Variants in C4orf46 observed in about 807,000 individuals in gnomAD.
The protein encoded by C4orf46 is chromosome 4 open reading frame 46.
Under a neutral mutation model 9.1 loss-of-function variants are expected in C4orf46, and 8 were observed. That is an observed-to-expected ratio of 0.88 (90% CI 0.52 to 1.59). The LOEUF (loss-of-function observed/expected upper bound fraction) is 1.59. Among genes scored for constraint, C4orf46 ranks in the 40% most tolerant of loss-of-function variants. The probability of loss-of-function intolerance (pLI) is 0.00; values close to 1 mark genes in which losing one functional copy is unlikely to be tolerated. For synonymous variants in C4orf46, 51 were observed against 58.8 expected, an observed-to-expected ratio of 0.87 and a Z score of 0.61; for missense variants, 151 against 139.1, an observed-to-expected ratio of 1.09 and a Z score of -0.43.
Position 158,669,394 on chromosome 4 carries a change from G to C in C4orf46, c.*219C>G, listed in dbSNP as rs1324426320. The C allele has an allele frequency of 1.7e-5, 7 of 416,108 alleles. No individual in the cohort carries two copies. Among genetic ancestry groups the C allele is most frequent in the Non-Finnish European group, 3.0e-5 (7 of 230,974 alleles). The allele number at this position is 416,108 out of a possible 1,614,324, so 25.8% of individuals were successfully genotyped here. On this transcript the variant is annotated 3_prime_UTR_variant, in exon 2 of 2. Coordinates refer to ENST00000379205, the MANE Select transcript of C4orf46 (RefSeq NM_001008393.4). ...TCATAAAGGATTCTATGAAAGTTCA[G>C]AGGCATAAAGTATTTAAGGACAAAC...
upstream of C4orf46, chr4:158,671,889 C>T (rs528241209): frequency 2.1e-5 from 24 of 1,123,208 alleles, no homozygotes; most frequent in Non-Finnish European, 7.4e-6. Context: ...AGCCGAAAGG[C>T]CCCGCCTCCT....
chr4:158,669,816 C>T (rs1384296483), intron 1 of C4orf46, 48 bp from the exon 2 acceptor site: 1 of 1,481,902 alleles, frequency 6.7e-7, no homozygotes. Flanking sequence ...ATTCTCATCT[C>T]ATTTTATAAG....
Position 158,671,605 on chromosome 4 carries a change from A to G in C4orf46, c.186+11T>C. 1 of 1,517,562 alleles carries G rather than the reference A, an allele frequency of 6.6e-7. No homozygotes were observed. The allele number at this position is 1,517,562 out of a possible 1,614,324, so 94.0% of individuals were successfully genotyped here. ...CGCCGAGGGGGGACGCGGTCCCGAC[A>G]CCACACTCACGTCTCCGATCTGCAG... On this transcript the variant is annotated intron_variant, in intron 1 of 1. Transcript: ENST00000379205.
At position 158,667,139 on chromosome 4, in the gene C4orf46, C is replaced by T. The variant is rs1773400385; in HGVS notation, c.*2474G>A. 6.6e-6 allele frequency: 1 copy of T among 152,092 alleles called. No individual in the cohort carries two copies. Among genetic ancestry groups the T allele is most frequent in the African/African-American group, 2.4e-5 (1 of 41,408 alleles). The allele number at this position is 152,092 out of a possible 1,614,324, so 9.4% of individuals were successfully genotyped here. A position where few individuals can be genotyped will look rare whatever the true frequency, so the allele number is the denominator to read the frequency against. Reference sequence around the variant, plus strand: ...TCAAATTTCCTTCAGATAAAAAGAACAGAAAGGTCAGAATCTGGCCCTTAC... The same window carrying T: ...TCAAATTTCCTTCAGATAAAAAGAATAGAAAGGTCAGAATCTGGCCCTTAC... On this transcript the variant is annotated 3_prime_UTR_variant, in exon 2 of 2. Transcript: ENST00000379205.
chr4:158,667,928 T>TA lies in C4orf46; in HGVS notation c.*1684dup, dbSNP rs1773424465. 1 of 152,150 alleles carries TA rather than the reference T, an allele frequency of 6.6e-6. No homozygotes were observed. The highest frequency in any genetic ancestry group is 1.5e-5 in the Non-Finnish European group (1 of 68,034). 9.4% of individuals were successfully genotyped at this position (152,150 alleles called of 1,614,324 possible). Reference sequence around the variant, plus strand: ...AAAAAATATATTTGTATTAAAAATATAAAAACACATGCTATATTATGCCCC... The same window carrying TA: ...AAAAAATATATTTGTATTAAAAATATAAAAAACACATGCTATATTATGCCCC... On this transcript the variant is annotated 3_prime_UTR_variant, in exon 2 of 2. Transcript: ENST00000379205.
rs751358367 is a variant in C4orf46, at chr4:158,669,783, T to G, written c.187-15A>C. On this transcript the variant is annotated splice_polypyrimidine_tract_variant and intron_variant, in intron 1 of 1. Transcript: ENST00000379205. ...GAAAAGGCTGCCTAAAAAAAAAAAGTCAAACATAATTTTATTTTTAAAATT... is the reference window on the plus strand; with the variant it reads ...GAAAAGGCTGCCTAAAAAAAAAAAGGCAAACATAATTTTATTTTTAAAATT... 1.9e-6 allele frequency: 3 copies of G among 1,540,660 alleles called. No individual in the cohort carries two copies. Among genetic ancestry groups the G allele is most frequent in the Non-Finnish European group, 2.6e-6 (3 of 1,133,214 alleles).
chr4:158,671,709 CG>C lies in C4orf46; in HGVS notation c.92del (p.Pro31ArgfsTer5). 6.2e-7 allele frequency: 1 copy of C among 1,608,634 alleles called. No individual in the cohort carries two copies. Among genetic ancestry groups the C allele is most frequent in the East Asian group, 2.2e-5 (1 of 44,604 alleles). Reference protein sequence around the residue: ...SSSDASAASSPGGPVSLGWPV... With the variant: ...SSSDASAASSXGGPVSLGWPV... ...GCCAGCCCAAACTCACTGGGCCGCC[CG>C]GGGAAGATGCTGCAGAGGCGTCTGA... On this transcript the variant is annotated frameshift_variant, in exon 1 of 2. Transcript: ENST00000379205. LOFTEE classifies it high-confidence loss of function.
In C4orf46 at chr4:158,669,514, G is replaced by A. The variant is rs1773460905; in HGVS notation, c.*99C>T. 8.1e-7 allele frequency: 1 copy of A among 1,232,810 alleles called. No homozygotes were observed. The highest frequency in any genetic ancestry group is 1.5e-5 in the South Asian group (1 of 65,514). The allele number at this position is 1,232,810 out of a possible 1,614,324, so 76.4% of individuals were successfully genotyped here. On this transcript the variant is annotated 3_prime_UTR_variant, in exon 2 of 2. Coordinates refer to ENST00000379205, the MANE Select transcript of C4orf46 (RefSeq NM_001008393.4). ...TTTCATTCTGAGTATATACAGAACTGCTGGACAGAGGTCATCCTATATGTG... is the reference window on the plus strand; with the variant it reads ...TTTCATTCTGAGTATATACAGAACTACTGGACAGAGGTCATCCTATATGTG...
chr4:158,671,729 C>A lies in C4orf46; in HGVS notation c.73G>T (p.Ala25Ser). 1.3e-6 allele frequency: 2 copies of A among 1,596,456 alleles called. No homozygotes were observed. Residue 25 changes from alanine to serine, a missense_variant, in exon 1 of 2, where the codon GCC becomes TCC. Ala to Ser is a moderately conservative substitution (Grantham distance 99). Coordinates refer to ENST00000379205, the MANE Select transcript of C4orf46 (RefSeq NM_001008393.4). Reference sequence around the variant, plus strand: ...CCGCCCGGGGAAGATGCTGCAGAGGCGTCTGAAGAGGAGGGAGAAGAGGGA... The same window carrying A: ...CCGCCCGGGGAAGATGCTGCAGAGGAGTCTGAAGAGGAGGGAGAAGAGGGA... Reference protein sequence around the residue: ...PPPSSPSSSDASAASSPGGPV... With the variant: ...PPPSSPSSSDSSAASSPGGPV...
Position 158,671,819 on chromosome 4 carries a change from G to C in C4orf46, c.-18C>G. On this transcript the variant is annotated 5_prime_UTR_variant, in exon 1 of 2. Coordinates refer to ENST00000379205, the MANE Select transcript of C4orf46 (RefSeq NM_001008393.4). ...TCGGCCATGGGGAAGGGTTGGGACC[G>C]CGGAATCCGACCCGAGAAGCCGAAC... is the stretch of plus-strand genomic sequence containing the variant. 6.8e-7 allele frequency: 1 copy of C among 1,477,304 alleles called. No homozygotes were observed. Among genetic ancestry groups the C allele is most frequent in the South Asian group, 1.3e-5 (1 of 76,130 alleles). 91.5% of individuals were successfully genotyped at this position (1,477,304 alleles called of 1,614,324 possible).
intron 1 of C4orf46, 114 bp downstream of exon 1, chr4:158,671,502 C>G (rs1773544452): frequency 8.9e-7 from 1 of 1,123,860 alleles, no homozygotes; most frequent in African/African-American, 1.6e-5. Flanking sequence ...GCAGAAGGGC[C>G]GGTCGTCCCG....
intron 1 of C4orf46, 43 bp downstream of exon 1, chr4:158,671,573 C>G: frequency 6.9e-7 from 1 of 1,441,190 alleles, no homozygotes; most frequent in Non-Finnish European, 9.2e-7. Flanking sequence ...GCCGGTCTTC[C>G]CAGAGGCGCC....
At chr4:158,670,028 T>TTTTTTTTTTTTTTTTTTTTTTC (rs1554030228) in intron 1 of C4orf46, among the ~76,000 whole-genome samples, 1 of 113,136 alleles carries the variant, frequency 8.8e-6, no homozygotes, top group Non-Finnish European at 1.7e-5. Context: ...GTTTTCTTTT[T>TTTTTTTTTTTTTTTTTTTTTTC]TTTTTTTTTT....
At chr4:158,670,023 C>CTTT (rs767110704) in intron 1 of C4orf46, among the ~76,000 whole-genome samples, 2 of 17,676 alleles carry the variant, frequency 1.1e-4, no homozygotes, top group African/African-American at 1.1e-4. Context: ...TAGTTGTTTT[C>CTTT]TTTTTTTTTT....
At chr4:158,670,556 C>T (rs995440861) in intron 1 of C4orf46, among the ~76,000 whole-genome samples, 40 of 152,162 alleles carry the variant, frequency 2.6e-4, no homozygotes, top group African/African-American at 8.7e-4. Context: ...CACACAAATG[C>T]AGAAAACACT....
chr4:158,670,028 T>TTTTTTTTTTTTTTTTTTTTTTTTTTTTTC (rs1554030228), intron 1 of C4orf46, among the ~76,000 whole-genome samples: 17 of 113,126 alleles, frequency 1.5e-4, no homozygotes, highest in East Asian at 2.6e-4. Context: ...GTTTTCTTTT[T>TTTTTTTTTTTTTTTTTTTTTTTTTTTTTC]TTTTTTTTTT....
rs926767530 is a variant in C4orf46 at position 158,671,761 on chromosome 4, G to A, written c.41C>T (p.Pro14Leu). 1.9e-6 allele frequency: 3 copies of A among 1,562,236 alleles called. No individual in the cohort carries two copies. The highest frequency in any genetic ancestry group is 1.7e-6 in the Non-Finnish European group (2 of 1,153,596). ...PEELQVSSPPPPPPSSPSSSD... is the reference protein window; with the variant it reads ...PEELQVSSPPLPPPSSPSSSD... ...AGAGGAGGGAGAAGAGGGAGGCGGC[G>A]GGGGCGGCGAAGAAACCTGCAACTC... The change falls in exon 1 of 2, where the codon CCG becomes CTG. Residue 14 changes from proline to leucine, a missense_variant. By Grantham distance (98) the Pro-to-Leu change is moderately conservative. Transcript: ENST00000379205.
rs992823674 is a variant in C4orf46, at chr4:158,667,499, C to A, written c.*2114G>T. Reference sequence around the variant, plus strand: ...GATAATTGGAACATACATAACAGATCATTAGTATTCAAAATATGTAATATC... The same window carrying A: ...GATAATTGGAACATACATAACAGATAATTAGTATTCAAAATATGTAATATC... On this transcript the variant is annotated 3_prime_UTR_variant, in exon 2 of 2. Coordinates refer to ENST00000379205, the MANE Select transcript of C4orf46 (RefSeq NM_001008393.4). 6.6e-6 allele frequency: 1 copy of A among 151,916 alleles called. No individual in the cohort carries two copies. Among genetic ancestry groups the A allele is most frequent in the Non-Finnish European group, 1.5e-5 (1 of 67,982 alleles). 9.4% of individuals were successfully genotyped at this position (151,916 alleles called of 1,614,324 possible). A position where few individuals can be genotyped will look rare whatever the true frequency, so the allele number is the denominator to read the frequency against.
At chr4:158,670,718 C>T (rs1433966237) in intron 1 of C4orf46, among the ~76,000 whole-genome samples, 1 of 152,182 alleles carries the variant, frequency 6.6e-6, no homozygotes, top group Non-Finnish European at 1.5e-5. Context: ...TGGTTAAGCA[C>T]TCTAGTCATC....
Sources: gnomAD v4.1 joint callset for allele counts (sites outside exome capture counted in the v4.1 genomes callset) on GRCh38, gnomAD v4.1.1 for gene constraint, MANE v1.5 for transcripts, NCBI Gene and HGNC (gene_info 2026-07-23, HGNC 2026-07-21) for gene names.